ITGA9: variants seen among roughly 807,000 people sequenced by gnomAD.
The protein encoded by ITGA9 is integrin subunit alpha 9, also known as integrin alpha-9.
In ITGA9, 56 loss-of-function variants were observed where a neutral mutation model predicts 127.8. That is an observed-to-expected ratio of 0.44 (90% CI 0.35 to 0.55). The LOEUF (loss-of-function observed/expected upper bound fraction) is 0.55, where lower values mean the gene tolerates loss of function less well. Ranked by LOEUF, ITGA9 falls within the 20% of genes least tolerant of loss-of-function variation. The pLI is 0.00. For synonymous variants in ITGA9, 508 were observed against 514.5 expected, an observed-to-expected ratio of 0.99 and a Z score of 0.17; for missense variants, 1,196 against 1,347.1, an observed-to-expected ratio of 0.89 and a Z score of 1.76.
chr3:37,514,072 T>C (rs2125577562), intron 9 of ITGA9, among the ~76,000 whole-genome samples, 172 bp downstream of exon 9: 1 of 152,340 alleles, frequency 6.6e-6, no homozygotes, highest in East Asian at 1.9e-4. Flanking sequence ...TGGAAAGTTA[T>C]ATACAATGTT....
chr3:37,480,501 C>T (rs1698541763), intron 3 of ITGA9, among the ~76,000 whole-genome samples: 1 of 152,228 alleles, frequency 6.6e-6, no homozygotes, highest in Non-Finnish European at 1.5e-5. Context: ...ACCAGCCACT[C>T]CCTGGCATGA....
intron 22 of ITGA9, chr3:37,748,569 G>A: frequency 2.2e-6 from 1 of 455,982 alleles, no homozygotes; most frequent in South Asian, 2.3e-5. Flanking sequence ...CCAACATGGT[G>A]AAATCCCGTC....
intron 4 of ITGA9, among the ~76,000 whole-genome samples, chr3:37,493,483 G>A (rs1163809164): frequency 6.6e-6 from 1 of 152,200 alleles, no homozygotes; most frequent in Non-Finnish European, 1.5e-5. Context: ...TTGAGTCACT[G>A]TGAACATCTC....
chr3:37,577,204 A>T (rs183030848), intron 15 of ITGA9, among the ~76,000 whole-genome samples: 1 of 152,346 alleles, frequency 6.6e-6, no homozygotes, highest in East Asian at 1.9e-4. Context: ...GGGGATTCCC[A>T]TGTTTGCTAG....
chr3:37,666,407 T>G (rs147156904), intron 17 of ITGA9, among the ~76,000 whole-genome samples: 208 of 152,350 alleles, frequency 1.4e-3, no homozygotes, highest in Non-Finnish European at 1.5e-3. Flanking sequence ...AGCCACCATT[T>G]GTTTAGCTCC....
In ITGA9 at chr3:37,556,933, G is replaced by A. The variant is rs55816907; in HGVS notation, c.1689+14348G>A. 2.4e-3 allele frequency among the ~76,000 whole-genome samples: 361 copies of A among 152,326 alleles called. 3 individuals carry two copies. Among genetic ancestry groups the A allele is most frequent in the African/African-American group, 8.1e-3 (336 of 41,584 alleles). On this transcript the variant is annotated intron_variant, in intron 15 of 27. Coordinates refer to ENST00000264741, the MANE Select transcript of ITGA9 (RefSeq NM_002207.3). ...GCCCACGCTGATGTGTGTTAATGGA[G>A]GGGGTGCCCCTTATAGGAGGGTGGT...
At chr3:37,572,861 ACT>A (rs1044096474) in intron 15 of ITGA9, among the ~76,000 whole-genome samples, 1 of 152,090 alleles carries the variant, frequency 6.6e-6, no homozygotes, top group African/African-American at 2.4e-5. Context: ...ATCACCTCTC[ACT>A]CTCATTTTCT....
intron 27 of ITGA9, among the ~76,000 whole-genome samples, chr3:37,810,827 C>T (rs962984592): frequency 1.3e-5 from 2 of 152,270 alleles, no homozygotes; most frequent in Non-Finnish European, 2.9e-5. Flanking sequence ...GCCCCACCTA[C>T]GCATGCACTG....
At chr3:37,750,781 G>A (rs1253012792) in intron 23 of ITGA9, among the ~76,000 whole-genome samples, 1 of 152,244 alleles carries the variant, frequency 6.6e-6, no homozygotes, top group Non-Finnish European at 1.5e-5. Context: ...AGACCTCTTT[G>A]GAGATGGGGA....
rs1559525551 is a variant in ITGA9, at chr3:37,514,477, G to A, written c.1035+577G>A. On this transcript the variant is annotated intron_variant, in intron 9 of 27. Coordinates refer to ENST00000264741, the MANE Select transcript of ITGA9 (RefSeq NM_002207.3). ...GGTGGGCTGGAGCAGAGCTCCCAGT[G>A]CAGAGCTGGGCAAGTGGGTTGGGGT... 5.3e-5 allele frequency among the ~76,000 whole-genome samples: 8 copies of A among 152,356 alleles called. No individual in the cohort carries two copies. The South Asian group carries it at 1.7e-3, about 32-fold the overall frequency.
intron 15 of ITGA9, among the ~76,000 whole-genome samples, chr3:37,590,098 G>C (rs1243782739): frequency 6.6e-6 from 1 of 152,196 alleles, no homozygotes; most frequent in East Asian, 1.9e-4. Context: ...GTGATGCATA[G>C]TATTCTGGAG....
rs577058473 is a variant in ITGA9, at chr3:37,692,485, A to G, written c.2067+8470A>G. On this transcript the variant is annotated intron_variant, in intron 18 of 27. Transcript: ENST00000264741. The stretch of plus-strand genomic sequence containing the variant: ...AAAAATAGAGACAGTGTTAAACTGA[A>G]CATTTTTTAATTTAATGAGTTGCTT... Among the ~76,000 whole-genome samples, 213 of 151,998 alleles carry G rather than the reference A, an allele frequency of 1.4e-3. 1 individual carries two copies. Among genetic ancestry groups the G allele is most frequent in the Non-Finnish European group, 2.0e-3 (139 of 68,008 alleles).
chr3:37,575,948 T>G (rs1026174594), intron 15 of ITGA9, among the ~76,000 whole-genome samples: 1 of 152,202 alleles, frequency 6.6e-6, no homozygotes, highest in Non-Finnish European at 1.5e-5. Context: ...TGAAAATCAG[T>G]CTCAAGAAAC....
intron 18 of ITGA9, among the ~76,000 whole-genome samples, chr3:37,728,858 G>A (rs540673457): frequency 2.6e-5 from 4 of 151,764 alleles, no homozygotes; most frequent in East Asian, 1.9e-4. Flanking sequence ...CAAGAGGAGC[G>A]AAGGGAGCAG....
chr3:37,637,279 T>G (rs972405160), intron 16 of ITGA9, among the ~76,000 whole-genome samples: 1 of 152,232 alleles, frequency 6.6e-6, no homozygotes, highest in African/African-American at 2.4e-5. Flanking sequence ...GGAATGTTCT[T>G]CCGTTTGTTT....
chr3:37,457,276 G>T (rs899962905), intron 1 of ITGA9, among the ~76,000 whole-genome samples: 5 of 152,208 alleles, frequency 3.3e-5, no homozygotes, highest in Non-Finnish European at 7.3e-5. Flanking sequence ...TGACAGGTGA[G>T]AAAATTGTGG....
At chr3:37,559,615 CA>C (rs1417575414) in intron 15 of ITGA9, among the ~76,000 whole-genome samples, 2 of 152,136 alleles carry the variant, frequency 1.3e-5, no homozygotes, top group Non-Finnish European at 2.9e-5. Flanking sequence ...TTTGGAGGCT[CA>C]GATACACTCT....
At chr3:37,512,899 G>T (rs1327122527) in intron 8 of ITGA9, among the ~76,000 whole-genome samples, 2 of 152,072 alleles carry the variant, frequency 1.3e-5, no homozygotes, top group Admixed American at 6.6e-5. Flanking sequence ...CACCTGCCTG[G>T]ATCCTGTTGG....
chr3:37,784,642 G>A (rs1414360631), intron 25 of ITGA9, among the ~76,000 whole-genome samples: 1 of 152,164 alleles, frequency 6.6e-6, no homozygotes, highest in East Asian at 1.9e-4. Flanking sequence ...CAATTAAACA[G>A]CTTTATTTAT....
Sources: gnomAD v4.1 joint callset for allele counts (sites outside exome capture counted in the v4.1 genomes callset) on GRCh38, gnomAD v4.1.1 for gene constraint, MANE v1.5 for transcripts, NCBI Gene and HGNC (gene_info 2026-07-23, HGNC 2026-07-21) for gene names.